Variants in ST18 observed in about 807,000 individuals in gnomAD.
The protein encoded by ST18 is ST18 C2H2C-type zinc finger transcription factor.
In ST18, 50 loss-of-function variants were observed where a neutral mutation model predicts 110.0. The observed-to-expected ratio is 0.45, with a 90% CI of 0.36 to 0.58. ST18 has a LOEUF of 0.58. Among genes scored for constraint, ST18 ranks in the 20% least tolerant of loss-of-function variants. ST18 has a pLI of 0.00. For synonymous variants in ST18, 461 were observed against 452.4 expected (o/e 1.02, Z -0.24); for missense variants, 1,306 against 1,280.1 (o/e 1.02, Z -0.31).
intron 8 of ST18, among the ~76,000 whole-genome samples, chr8:52,195,079 G>A (rs2075777728): frequency 6.6e-6 from 1 of 152,190 alleles, no homozygotes. Flanking sequence ...GATTGACAGA[G>A]CAGTTCAGCT....
intron 8 of ST18, among the ~76,000 whole-genome samples, chr8:52,190,841 T>C (rs952830813): frequency 5.9e-5 from 9 of 152,134 alleles, no homozygotes; most frequent in Admixed American, 3.9e-4. Context: ...ACAAGACATC[T>C]GTGTTTGAGA....
At chr8:52,182,790 A>T (rs1396339285) in intron 8 of ST18, among the ~76,000 whole-genome samples, 1 of 152,174 alleles carries the variant, frequency 6.6e-6, no homozygotes, top group East Asian at 1.9e-4. Flanking sequence ...ATGTTCCATA[A>T]CAGGACTGAA....
At chr8:52,348,270 A>G (rs1258470199) in intron 2 of ST18, among the ~76,000 whole-genome samples, 3 of 152,216 alleles carry the variant, frequency 2.0e-5, no homozygotes, top group African/African-American at 7.2e-5. Context: ...AGGCAAGTGG[A>G]TGCCTCAGAT....
rs116353602 is a variant in ST18, at chr8:52,203,326, G to A, written c.86+8753C>T. On this transcript the variant is annotated intron_variant, in intron 8 of 25. Coordinates refer to ENST00000689386, the MANE Select transcript of ST18 (RefSeq NM_001352837.2). ...TCAGGGAAACAGCCCCGGAACACAG[G>A]GCTGCTATTAACCCAGTGTTCTTTC... Among the ~76,000 whole-genome samples, 262 of 152,194 alleles carry A rather than the reference G, an allele frequency of 1.7e-3. 1 individual carries two copies. The highest frequency in any genetic ancestry group is 6.0e-3 in the African/African-American group (249 of 41,512).
At chr8:52,169,973 T>C (rs909568063) in intron 10 of ST18, among the ~76,000 whole-genome samples, 1 of 152,042 alleles carries the variant, frequency 6.6e-6, no homozygotes, top group East Asian at 1.9e-4. Context: ...AAAAAAGAAG[T>C]TTCAAAAGCT....
intron 25 of ST18, 60 bp downstream of exon 25, chr8:52,116,215 A>T: frequency 1.9e-6 from 3 of 1,571,126 alleles, no homozygotes; most frequent in Non-Finnish European, 2.6e-6. Context: ...CCGTGGGTAG[A>T]TGCATGATGA....
chr8:52,276,310 TCACA>T (rs774575133), intron 2 of ST18, among the ~76,000 whole-genome samples: 2 of 140,258 alleles, frequency 1.4e-5, no homozygotes, highest in Non-Finnish European at 3.1e-5. Flanking sequence ...ATACCACACC[TCACA>T]CAAACACACC....
At chr8:52,250,111 A>T (rs1314810268) in intron 2 of ST18, among the ~76,000 whole-genome samples, 2 of 152,086 alleles carry the variant, frequency 1.3e-5, no homozygotes, top group African/African-American at 4.8e-5. Context: ...ACAGCTGTCC[A>T]TAAGTATCAG....
chr8:52,406,786 C>T (rs968078120), intron 2 of ST18: 1 of 152,208 alleles, frequency 6.6e-6, no homozygotes. Context: ...TTCAAGGGCA[C>T]TTTTGACTAG....
At chr8:52,217,455 T>C (rs1453386037) in intron 6 of ST18, among the ~76,000 whole-genome samples, 1 of 152,146 alleles carries the variant, frequency 6.6e-6, no homozygotes, top group Non-Finnish European at 1.5e-5. Context: ...GAGAAAAATG[T>C]GGTTCTTGCT....
At chr8:52,294,336 C>T (rs994803692) in intron 2 of ST18, 2 of 152,256 alleles carry the variant, frequency 1.3e-5, no homozygotes, top group Admixed American at 6.5e-5. Context: ...CTCCCTGAAA[C>T]AAATGATGCT....
intron 2 of ST18, among the ~76,000 whole-genome samples, chr8:52,299,880 C>T (rs959709278): frequency 2.0e-5 from 3 of 152,164 alleles, no homozygotes; most frequent in African/African-American, 7.2e-5. Flanking sequence ...GGTGTGTTAC[C>T]TCTCCTGAGG....
chr8:52,125,877 C>T (rs1341079866), intron 23 of ST18, 175 bp downstream of exon 23: 3 of 563,534 alleles, frequency 5.3e-6, no homozygotes, highest in African/African-American at 1.9e-5. Context: ...AGGAAAACAC[C>T]AAAAAATTGG....
At chr8:52,321,356 T>C (rs746378970) in intron 2 of ST18, among the ~76,000 whole-genome samples, 4 of 152,060 alleles carry the variant, frequency 2.6e-5, no homozygotes, top group Non-Finnish European at 5.9e-5. Context: ...TATTAACTGT[T>C]AGCTCTAGTG....
intron 8 of ST18, among the ~76,000 whole-genome samples, chr8:52,203,501 T>C (rs1193325271): frequency 6.6e-6 from 1 of 152,222 alleles, no homozygotes; most frequent in Non-Finnish European, 1.5e-5. Flanking sequence ...ATTTGGATTG[T>C]AGGGCGTCCA....
Position 52,116,362 on chromosome 8 carries a change from T to A in ST18, c.2916A>T (p.Glu972Asp). 1 of 1,614,024 alleles carries A rather than the reference T, an allele frequency of 6.2e-7. No individual in the cohort carries two copies. Among genetic ancestry groups the A allele is most frequent in the Non-Finnish European group, 8.5e-7 (1 of 1,179,960 alleles). Residue 972 changes from glutamate (E) to aspartate (D), a missense_variant, in exon 25 of 26, where the codon GAA becomes GAT. Coordinates refer to ENST00000689386, the MANE Select transcript of ST18 (RefSeq NM_001352837.2). ...KTIEEENKLI[E>D]QNNESLLKEL... ...CTTTCAGCAGACTTTCATTGTTCTG[T>A]TCTATGAGTTTGTTCTCCTCCTCTA... is the stretch of plus-strand genomic sequence containing the variant.
intron 2 of ST18, among the ~76,000 whole-genome samples, chr8:52,237,628 C>T (rs2092858766): frequency 6.6e-6 from 1 of 152,116 alleles, no homozygotes; most frequent in Non-Finnish European, 1.5e-5. Context: ...GGGTGGATAA[C>T]ACAGATATTA....
At chr8:52,115,421 A>G (rs918293874) in intron 25 of ST18, among the ~76,000 whole-genome samples, 1 of 152,248 alleles carries the variant, frequency 6.6e-6, no homozygotes, top group Non-Finnish European at 1.5e-5. Context: ...CATCTCAGTC[A>G]ATGATAGACT....
chr8:52,227,409 G>A (rs2089863924), intron 3 of ST18, among the ~76,000 whole-genome samples: 1 of 152,124 alleles, frequency 6.6e-6, no homozygotes, highest in Non-Finnish European at 1.5e-5. Context: ...TGGGAGCACA[G>A]ACTTAGACCA....
Sources: allele counts gnomAD v4.1 joint callset (sites outside exome capture counted in the v4.1 genomes callset), GRCh38; gene constraint gnomAD v4.1.1; transcripts MANE v1.5; gene names NCBI Gene and HGNC (gene_info 2026-07-23, HGNC 2026-07-21).